Variants in CLEC16A observed in about 807,000 individuals in gnomAD.
The protein encoded by CLEC16A is C-type lectin domain containing 16A.
In CLEC16A, 51 loss-of-function variants were observed where a neutral mutation model predicts 109.5. The observed-to-expected ratio is 0.47, with a 90% CI of 0.37 to 0.59. The LOEUF (loss-of-function observed/expected upper bound fraction) is 0.59, where lower values mean the gene tolerates loss of function less well. Ranked by LOEUF, CLEC16A falls within the 20% of genes least tolerant of loss-of-function variation. The probability of loss-of-function intolerance (pLI) is 0.00; values close to 1 mark genes in which losing one functional copy is unlikely to be tolerated. For synonymous variants in CLEC16A, 673 were observed against 564.2 expected, an observed-to-expected ratio of 1.19 and a Z score of -2.73; for missense variants, 1,339 against 1,394.0, an observed-to-expected ratio of 0.96 and a Z score of 0.63.
At chr16:11,152,724 A>G (rs1177603253) in intron 22 of CLEC16A, among the ~76,000 whole-genome samples, 1 of 152,204 alleles carries the variant, frequency 6.6e-6, no homozygotes, top group Non-Finnish European at 1.5e-5. Context: ...GTCCCAAATA[A>G]TAGAGCACCT....
rs1026094256 is a variant in CLEC16A at position 11,174,127 on chromosome 16, T to C, written c.2807-4208T>C. 4.3e-6 allele frequency: 2 copies of C among 464,740 alleles called. No individual in the cohort carries two copies. The highest frequency in any genetic ancestry group is 4.5e-6 in the Non-Finnish European group (1 of 222,758). The allele number at this position is 464,740 out of a possible 1,614,324, so 28.8% of individuals were successfully genotyped here. On this transcript the variant is annotated intron_variant, in intron 23 of 23. Coordinates refer to ENST00000409790, the MANE Select transcript of CLEC16A (RefSeq NM_015226.3). This position sits in a 1 kb window ranked among gnomAD's most constrained non-coding sequence, Gnocchi z 4.7. Reference sequence around the variant, plus strand: ...CCGTCCCATTGTTAAAGGCTTTCTATGATCTGTCGCTGTGTTTTCCCTCTA... The same window carrying C: ...CCGTCCCATTGTTAAAGGCTTTCTACGATCTGTCGCTGTGTTTTCCCTCTA...
intron 23 of CLEC16A, 87 bp downstream of exon 23, chr16:11,166,639 C>G (rs2068276465): frequency 2.3e-6 from 3 of 1,321,264 alleles, no homozygotes; most frequent in South Asian, 1.6e-5. Context: ...CCTCCAGGTC[C>G]TCCTTGTCAC....
intron 19 of CLEC16A, among the ~76,000 whole-genome samples, chr16:11,071,417 G>C (rs541012364): frequency 6.6e-6 from 1 of 152,256 alleles, no homozygotes; most frequent in Admixed American, 6.5e-5. Context: ...CCAAAAAAGA[G>C]GGGGACGAAG....
intron 2 of CLEC16A, among the ~76,000 whole-genome samples, chr16:10,958,870 C>T (rs1041585517): frequency 6.6e-6 from 1 of 152,142 alleles, no homozygotes; most frequent in Non-Finnish European, 1.5e-5. Flanking sequence ...TGCCACTGCA[C>T]TCCAGCCTGG....
At chr16:10,999,957 C>G (rs1439633045) in intron 10 of CLEC16A, among the ~76,000 whole-genome samples, 1 of 152,198 alleles carries the variant, frequency 6.6e-6, no homozygotes, top group African/African-American at 2.4e-5. Context: ...TTGCCTCAGC[C>G]TCCCGAGTAG....
At chr16:11,107,537 A>G (rs1272106426) in intron 19 of CLEC16A, among the ~76,000 whole-genome samples, 1 of 152,224 alleles carries the variant, frequency 6.6e-6, no homozygotes, top group African/African-American at 2.4e-5. Flanking sequence ...GTGCTAGTTC[A>G]CACCCTCGGT....
intron 18 of CLEC16A, among the ~76,000 whole-genome samples, chr16:11,056,358 C>A (rs1164058263): frequency 6.6e-6 from 1 of 152,132 alleles, no homozygotes; most frequent in African/African-American, 2.4e-5. Flanking sequence ...GCCTGGCAGA[C>A]AGTAAGTGCT....
At chr16:11,135,669 C>T (rs1000420918) in intron 22 of CLEC16A, among the ~76,000 whole-genome samples, 32 of 152,324 alleles carry the variant, frequency 2.1e-4, no homozygotes, top group African/African-American at 7.7e-4. Flanking sequence ...AATAGAGAAG[C>T]CCGTGCAGTA....
At chr16:11,048,508 G>A (rs2047754963) in intron 17 of CLEC16A, 1 of 152,340 alleles carries the variant, frequency 6.6e-6, no homozygotes, top group East Asian at 1.9e-4. Flanking sequence ...AGTGTTTTAA[G>A]TGTCAAAAAG....
intron 1 of CLEC16A, among the ~76,000 whole-genome samples, chr16:10,956,788 C>T (rs561661894): frequency 3.3e-4 from 50 of 151,660 alleles, no homozygotes; most frequent in Non-Finnish European, 4.7e-4. Flanking sequence ...ATAGCCTCTG[C>T]AGCCCTTATT....
rs543409662 is a variant in CLEC16A, at chr16:11,153,786, A to G, written c.2642-12602A>G. Among the ~76,000 whole-genome samples, 6 of 152,292 alleles carry G rather than the reference A, an allele frequency of 3.9e-5. No homozygotes were observed. In the East Asian group the frequency reaches 9.6e-4, roughly 24 times the overall value. ...ATACTTTTATGATGAAATATTAATA[A>G]TACTAAAAAAATAAGTCAAAACTAC... On this transcript the variant is annotated intron_variant, in intron 22 of 23. Transcript: ENST00000409790.
intron 16 of CLEC16A, among the ~76,000 whole-genome samples, chr16:11,046,563 G>A (rs76633028): frequency 6.6e-5 from 10 of 152,280 alleles, no homozygotes; most frequent in Non-Finnish European, 1.5e-4. Flanking sequence ...ATGACAGTGA[G>A]TGCTCACACT....
chr16:11,115,210 A>G (rs2051894930), intron 19 of CLEC16A, among the ~76,000 whole-genome samples: 1 of 152,202 alleles, frequency 6.6e-6, no homozygotes, highest in African/African-American at 2.4e-5. Context: ...GAATGTGAAA[A>G]CAGAAGGTAG....
At chr16:11,003,354 C>T (rs200319176) in intron 11 of CLEC16A, 49 bp downstream of exon 11, 262 of 1,512,354 alleles carry the variant, frequency 1.7e-4, no homozygotes, top group Non-Finnish European at 2.1e-4. Context: ...CCAGCCAGCC[C>T]GCCAGCGAGG....
chr16:10,974,899 G>T (rs1337796047), intron 7 of CLEC16A, among the ~76,000 whole-genome samples: 2 of 152,374 alleles, frequency 1.3e-5, no homozygotes, highest in East Asian at 3.9e-4. Context: ...TGGGGAAGGG[G>T]CAGAGAGAAT....
Position 11,174,987 on chromosome 16 carries a change from G to A in CLEC16A, c.2807-3348G>A, listed in dbSNP as rs754809619. 5.3e-5 allele frequency among the ~76,000 whole-genome samples: 8 copies of A among 152,328 alleles called. No individual in the cohort carries two copies. The highest frequency in any genetic ancestry group is 1.9e-4 in the East Asian group (1 of 5,182). ...TCTGATGCGCTTTTCTCCATTGGCC[G>A]TTGCGCTTGTCTGCTGGGAGCCTTT... On this transcript the variant is annotated intron_variant, in intron 23 of 23. Transcript: ENST00000409790. This position sits in a 1 kb window ranked among gnomAD's most constrained non-coding sequence, Gnocchi z 4.7.
intron 22 of CLEC16A, among the ~76,000 whole-genome samples, chr16:11,154,940 T>A (rs1285039023): frequency 1.3e-5 from 2 of 150,596 alleles, no homozygotes; most frequent in African/African-American, 4.9e-5. Context: ...AATAAATAAA[T>A]AAATAAAACC....
At chr16:11,029,184 G>A (rs1326730910) in intron 13 of CLEC16A, among the ~76,000 whole-genome samples, 1 of 152,114 alleles carries the variant, frequency 6.6e-6, no homozygotes, top group Non-Finnish European at 1.5e-5. Context: ...TCAGTTTAGG[G>A]CTAACTTCGC....
chr16:10,951,572 C>T (rs7195509), intron 1 of CLEC16A, among the ~76,000 whole-genome samples: 20,568 of 152,114 alleles, frequency 0.14, 1,366 homozygotes, highest in African/African-American at 0.15. Context: ...GGGCCCTGGG[C>T]AGATGCCTCA....
Sources: gnomAD v4.1 joint callset for allele counts (sites outside exome capture counted in the v4.1 genomes callset) on GRCh38, gnomAD v4.1.1 for gene constraint, Gnocchi (gnomAD v3.1) non-coding constraint, MANE v1.5 for transcripts, NCBI Gene and HGNC (gene_info 2026-07-23, HGNC 2026-07-21) for gene names.